CRPPA: variants seen among roughly 807,000 people sequenced by gnomAD.
CRPPA encodes D-ribitol-5-phosphate cytidylyltransferase.
Under a neutral mutation model 52.0 loss-of-function variants are expected in CRPPA, and 43 were observed. The observed-to-expected ratio is 0.83, with a 90% CI of 0.65 to 1.07. The LOEUF is 1.07. Among genes scored for constraint, CRPPA ranks in the 50% least tolerant of loss-of-function variants. CRPPA has a pLI of 0.00. For missense variants in CRPPA, 629 were observed against 551.7 expected (o/e 1.14, Z -1.40); for synonymous variants, 250 against 203.5 (o/e 1.23, Z -1.94).
At chr7:16,344,140 G>C (rs964718934) in intron 3 of CRPPA, among the ~76,000 whole-genome samples, 2 of 152,090 alleles carry the variant, frequency 1.3e-5, no homozygotes, top group South Asian at 2.1e-4. Flanking sequence ...GTCATATTGT[G>C]TTAATGAAAA....
At position 16,258,472 on chromosome 7, in the gene CRPPA, G is replaced by T; in HGVS notation, c.1037C>A (p.Ser346Tyr). The T allele has an allele frequency of 6.3e-7, 1 of 1,599,052 alleles. No individual in the cohort carries two copies. Among genetic ancestry groups the T allele is most frequent in the Non-Finnish European group, 8.5e-7 (1 of 1,171,894 alleles). Residue 346 changes from serine to tyrosine, a missense_variant, in exon 8 of 10, where the codon TCT becomes TAT. Ser to Tyr is a moderately radical substitution (Grantham distance 144). Transcript: ENST00000407010. Reference sequence around the variant, plus strand: ...TAACTTCTGGGTTTCTTGAAAATCAGAGGTTGTAACCTAAAAGACCAGAAA... The same window carrying T: ...TAACTTCTGGGTTTCTTGAAAATCATAGGTTGTAACCTAAAAGACCAGAAA... ...YNFVCVNVTT[S>Y]DFQETQKLLS...
intron 9 of CRPPA, among the ~76,000 whole-genome samples, chr7:16,151,601 A>C (rs1783077139): frequency 1.3e-5 from 2 of 151,570 alleles, no homozygotes; most frequent in Admixed American, 6.6e-5. Flanking sequence ...GTATATTTTA[A>C]AAAAATAAAA....
chr7:16,315,870 TTCTGTAGTCACCTG>T (rs1331984431), intron 3 of CRPPA, among the ~76,000 whole-genome samples: 2 of 152,178 alleles, frequency 1.3e-5, no homozygotes, highest in African/African-American at 4.8e-5. Flanking sequence ...AATTGTGATT[TTCTGTAGTCACCTG>T]TCTGTCTCTC....
intron 9 of CRPPA, among the ~76,000 whole-genome samples, chr7:16,094,168 AT>A (rs1425851912): frequency 1.3e-5 from 2 of 152,154 alleles, no homozygotes; most frequent in Non-Finnish European, 2.9e-5. Context: ...TACTTCTTCA[AT>A]TTTTTACAGG....
At chr7:16,280,009 G>A (rs374348396) in intron 5 of CRPPA, among the ~76,000 whole-genome samples, 1 of 152,216 alleles carries the variant, frequency 6.6e-6, no homozygotes. Flanking sequence ...GGGAAGAGAA[G>A]AGAGCTTGTG....
At chr7:16,347,222 A>T (rs1786036529) in intron 3 of CRPPA, among the ~76,000 whole-genome samples, 1 of 152,130 alleles carries the variant, frequency 6.6e-6, no homozygotes, top group Non-Finnish European at 1.5e-5. Flanking sequence ...TATAACAAGC[A>T]GGAAAACCAA....
chr7:16,089,236 GTATA>G lies in CRPPA; in HGVS notation c.*2455_*2458del, dbSNP rs1781764925. The G allele has an allele frequency of 2.7e-6, 1 of 376,348 alleles. No individual in the cohort carries two copies. The allele number at this position is 376,348 out of a possible 1,614,324, so 23.3% of individuals were successfully genotyped here. ...TATACATATATGTGTGTATGCGTACGTATATACATATATGTGTGTATGCGTACGT... is the reference window on the plus strand; with the variant it reads ...TATACATATATGTGTGTATGCGTACGTACATATATGTGTGTATGCGTACGT... On this transcript the variant is annotated 3_prime_UTR_variant, in exon 10 of 10. Transcript: ENST00000407010.
At chr7:16,100,410 A>T (rs1280348822) in intron 9 of CRPPA, among the ~76,000 whole-genome samples, 5 of 152,202 alleles carry the variant, frequency 3.3e-5, no homozygotes, top group African/African-American at 1.2e-4. Context: ...ACTTTTCCAA[A>T]TTCTAAACTC....
At chr7:16,214,008 G>C (rs1204258350) in intron 9 of CRPPA, among the ~76,000 whole-genome samples, 1 of 152,206 alleles carries the variant, frequency 6.6e-6, no homozygotes, top group East Asian at 1.9e-4. Flanking sequence ...ATTGGATAAA[G>C]TCAGAAAACT....
chr7:16,263,476 G>A (rs1024036760), intron 6 of CRPPA, among the ~76,000 whole-genome samples: 1 of 152,176 alleles, frequency 6.6e-6, no homozygotes, highest in African/African-American at 2.4e-5. Context: ...TGTAGGCCAG[G>A]CGCAGTGGCT....
chr7:16,375,076 C>A (rs1369419126), intron 3 of CRPPA, among the ~76,000 whole-genome samples: 2 of 152,166 alleles, frequency 1.3e-5, no homozygotes, highest in African/African-American at 2.4e-5. Context: ...CCTTCCAGTA[C>A]CATTTGAAGA....
intron 1 of CRPPA, among the ~76,000 whole-genome samples, chr7:16,412,391 T>C (rs1284404556): frequency 1.3e-5 from 2 of 152,144 alleles, no homozygotes; most frequent in African/African-American, 2.4e-5. Flanking sequence ...TAAGTAAATA[T>C]GCATTTGTCA....
At chr7:16,117,466 C>T (rs1051916014) in intron 9 of CRPPA, among the ~76,000 whole-genome samples, 2 of 152,178 alleles carry the variant, frequency 1.3e-5, no homozygotes, top group African/African-American at 2.4e-5. Context: ...GGCCTCTAGA[C>T]CTTGGCCAGG....
At chr7:16,301,846 T>G (rs1784794310) in intron 4 of CRPPA, among the ~76,000 whole-genome samples, 1 of 152,160 alleles carries the variant, frequency 6.6e-6, no homozygotes, top group Non-Finnish European at 1.5e-5. Flanking sequence ...AAAAAGTCAC[T>G]GAGTTACATT....
chr7:16,320,373 T>C (rs1785235631), intron 3 of CRPPA, among the ~76,000 whole-genome samples: 1 of 152,174 alleles, frequency 6.6e-6, no homozygotes, highest in African/African-American at 2.4e-5. Flanking sequence ...GGAAAACTTC[T>C]GAAAAAATAA....
rs181847691 is a variant in CRPPA, at chr7:16,301,316, G to T, written c.835+105C>A. The T allele has an allele frequency of 3.0e-4, 262 of 870,864 alleles. No homozygotes were observed. The African/African-American group carries it at 3.6e-3, about 12-fold the overall frequency. 53.9% of individuals were successfully genotyped at this position (870,864 alleles called of 1,614,324 possible). On this transcript the variant is annotated intron_variant, in intron 5 of 9. Transcript: ENST00000407010. ...ACAAATCAGAGACCTTGGCCTACAG[G>T]CTTTTCTGCTTTTGAGATTGCTGGG...
intron 1 of CRPPA, among the ~76,000 whole-genome samples, chr7:16,410,537 G>C (rs1206514850): frequency 6.6e-6 from 1 of 152,100 alleles, no homozygotes; most frequent in Non-Finnish European, 1.5e-5. Flanking sequence ...TAGCCCCTCA[G>C]CTGTTTCCTC....
chr7:16,181,540 G>A (rs1781412774), intron 9 of CRPPA, among the ~76,000 whole-genome samples: 1 of 151,732 alleles, frequency 6.6e-6, no homozygotes, highest in Admixed American at 6.6e-5. Flanking sequence ...GTAGTATCGA[G>A]TATACCAAAA....
intron 9 of CRPPA, among the ~76,000 whole-genome samples, chr7:16,141,847 C>A (rs1310297226): frequency 6.6e-6 from 1 of 152,094 alleles, no homozygotes; most frequent in Non-Finnish European, 1.5e-5. Context: ...TCAAGCGCTC[C>A]TGTGGTGCTC....
Sources: gnomAD v4.1 joint callset for allele counts (sites outside exome capture counted in the v4.1 genomes callset) on GRCh38, gnomAD v4.1.1 for gene constraint, MANE v1.5 for transcripts, NCBI Gene and HGNC (gene_info 2026-07-23, HGNC 2026-07-21) for gene names.